Variants in ITGA8 observed in about 807,000 individuals in gnomAD.
The protein encoded by ITGA8 is integrin subunit alpha 8, also known as integrin alpha-8.
In ITGA8, 91 loss-of-function variants were observed where a neutral mutation model predicts 142.3. The ratio of observed to expected loss-of-function variants is 0.64; its 90% CI spans 0.54 to 0.76. The LOEUF (loss-of-function observed/expected upper bound fraction) is 0.76. Among genes scored for constraint, ITGA8 ranks in the 30% least tolerant of loss-of-function variants. ITGA8 has a pLI of 0.00. For missense variants in ITGA8, 1,406 were observed against 1,327.7 expected, an observed-to-expected ratio of 1.06 and a Z score of -0.92; for synonymous variants, 505 against 485.2, an observed-to-expected ratio of 1.04 and a Z score of -0.54.
intron 21 of ITGA8, among the ~76,000 whole-genome samples, chr10:15,592,600 GTTGATTGA>G (rs1200819546): frequency 1.3e-5 from 2 of 152,104 alleles, no homozygotes; most frequent in Non-Finnish European, 2.9e-5. Context: ...ACACTGATTG[GTTGATTGA>G]TTGATTGATT....
At chr10:15,619,297 TA>T (rs1009523663) in intron 13 of ITGA8, among the ~76,000 whole-genome samples, 90 of 151,366 alleles carry the variant, frequency 5.9e-4, no homozygotes, top group Non-Finnish European at 1.1e-3. Context: ...TGTTAAAATT[TA>T]AAAAAAAATG....
chr10:15,638,368 C>A (rs111940628), intron 13 of ITGA8, among the ~76,000 whole-genome samples: 1 of 152,146 alleles, frequency 6.6e-6, no homozygotes. Flanking sequence ...GTTAAGAATA[C>A]GTAAGAGTGT....
chr10:15,574,388 T>A (rs966501979), intron 24 of ITGA8, among the ~76,000 whole-genome samples: 1 of 152,182 alleles, frequency 6.6e-6, no homozygotes, highest in Admixed American at 6.5e-5. Flanking sequence ...TCATATATTA[T>A]ATGTGCTTTT....
At position 15,531,133 on chromosome 10, in the gene ITGA8, C is replaced by G. The variant is rs1833283120; in HGVS notation, c.2899G>C (p.Ala967Pro). 5.9e-6 allele frequency: 9 copies of G among 1,519,996 alleles called. No homozygotes were observed. Among genetic ancestry groups the G allele is most frequent in the Non-Finnish European group, 7.9e-6 (9 of 1,138,322 alleles). The allele number at this position is 1,519,996 out of a possible 1,614,324, so 94.2% of individuals were successfully genotyped here. ...TCAAAGGACACCAGGGATGCAAGAG[C>G]ATAGGGATCATTTTTTCTCTGAAAG... ...TFLQRKNDPY[A>P]LASLVSFEVK... The change falls in exon 28 of 30, where the codon GCT becomes CCT. Residue 967 changes from alanine to proline, a missense_variant. By Grantham distance (27) the Ala-to-Pro change is conservative. Transcript: ENST00000378076.
intron 2 of ITGA8, among the ~76,000 whole-genome samples, chr10:15,694,827 A>G (rs928780879): frequency 1.3e-5 from 2 of 151,366 alleles, no homozygotes; most frequent in African/African-American, 4.9e-5. Flanking sequence ...TCAGGAATGA[A>G]CTTATGACAC....
chr10:15,570,825 T>C (rs536294901), intron 25 of ITGA8, among the ~76,000 whole-genome samples: 2 of 152,168 alleles, frequency 1.3e-5, no homozygotes, highest in African/African-American at 4.8e-5. Context: ...CAAACATATA[T>C]AAATAGTGTC....
At chr10:15,609,343 A>G (rs901511612) in intron 15 of ITGA8, among the ~76,000 whole-genome samples, 2 of 152,360 alleles carry the variant, frequency 1.3e-5, no homozygotes, top group Admixed American at 6.5e-5. Context: ...GTAAAATACT[A>G]TAGTATGATG....
At chr10:15,606,948 G>C (rs983917268) in intron 17 of ITGA8, among the ~76,000 whole-genome samples, 1 of 152,160 alleles carries the variant, frequency 6.6e-6, no homozygotes, top group African/African-American at 2.4e-5. Context: ...TCCTTTAGTA[G>C]AGAGGGGTAA....
At chr10:15,556,297 G>A (rs535465906) in intron 26 of ITGA8, among the ~76,000 whole-genome samples, 127 of 152,146 alleles carry the variant, frequency 8.3e-4, no homozygotes, top group African/African-American at 2.8e-3. Flanking sequence ...CCAAAGCGCC[G>A]GGATTATAGG....
intron 27 of ITGA8, among the ~76,000 whole-genome samples, chr10:15,541,706 T>C (rs1833573346): frequency 6.6e-6 from 1 of 152,156 alleles, no homozygotes; most frequent in Non-Finnish European, 1.5e-5. Context: ...CCTCCTGCTC[T>C]TGAGGAGCTT....
chr10:15,604,007 A>G (rs1833148943), intron 20 of ITGA8, among the ~76,000 whole-genome samples: 1 of 152,068 alleles, frequency 6.6e-6, no homozygotes, highest in Non-Finnish European at 1.5e-5. Flanking sequence ...CTATCTTTGC[A>G]CTGTGGCAAA....
At chr10:15,582,697 A>C (rs1464760028) in intron 23 of ITGA8, among the ~76,000 whole-genome samples, 2 of 152,264 alleles carry the variant, frequency 1.3e-5, no homozygotes, top group Non-Finnish European at 2.9e-5. Flanking sequence ...GTAACTGGTC[A>C]TTAAGCAAAT....
At chr10:15,625,388 C>A (rs773092229) in intron 13 of ITGA8, among the ~76,000 whole-genome samples, 1 of 152,306 alleles carries the variant, frequency 6.6e-6, no homozygotes, top group South Asian at 2.1e-4. Flanking sequence ...TTCGTGTCAC[C>A]GTATCAAAGG....
intron 8 of ITGA8, among the ~76,000 whole-genome samples, chr10:15,662,771 A>G (rs915171932): frequency 2.0e-5 from 3 of 152,190 alleles, no homozygotes; most frequent in Non-Finnish European, 2.9e-5. Context: ...AGGTTCTATC[A>G]CCATTGAACT....
intron 27 of ITGA8, among the ~76,000 whole-genome samples, chr10:15,547,302 T>C (rs982939193): frequency 3.3e-5 from 5 of 152,208 alleles, no homozygotes; most frequent in African/African-American, 9.6e-5. Flanking sequence ...CCAGGAGCAA[T>C]GGCTCATGCT....
At chr10:15,595,225 A>T (rs1366171873) in intron 21 of ITGA8, among the ~76,000 whole-genome samples, 1 of 152,208 alleles carries the variant, frequency 6.6e-6, no homozygotes, top group Non-Finnish European at 1.5e-5. Flanking sequence ...AGTGATTTTT[A>T]AAAGATAATA....
At chr10:15,658,437 T>A (rs905843613) in intron 10 of ITGA8, among the ~76,000 whole-genome samples, 1 of 149,762 alleles carries the variant, frequency 6.7e-6, no homozygotes, top group Non-Finnish European at 1.5e-5. Context: ...CAGTCTCCCA[T>A]GAGTAGCCCC....
At chr10:15,702,330 G>A (rs372419874) in intron 2 of ITGA8, among the ~76,000 whole-genome samples, 13 of 147,316 alleles carry the variant, frequency 8.8e-5, no homozygotes, top group East Asian at 4.0e-4. Flanking sequence ...CATTCTTATC[G>A]CCCAGGCTAG....
intron 13 of ITGA8, among the ~76,000 whole-genome samples, chr10:15,622,445 A>G (rs1833506470): frequency 2.0e-5 from 3 of 152,178 alleles, no homozygotes; most frequent in African/African-American, 7.2e-5. Context: ...AACAAATGTG[A>G]AACATGGTAG....
Sources: allele counts gnomAD v4.1 joint callset (sites outside exome capture counted in the v4.1 genomes callset), GRCh38; gene constraint gnomAD v4.1.1; transcripts MANE v1.5; gene names NCBI Gene and HGNC (gene_info 2026-07-23, HGNC 2026-07-21).